Variants in ZNF496 observed in about 807,000 individuals in gnomAD.
ZNF496 encodes the protein zinc finger protein 496.
ZNF496 carries 11 observed loss-of-function variants against 58.9 expected under a neutral mutation model. That is an observed-to-expected ratio of 0.19 (90% CI 0.12 to 0.31). The LOEUF (loss-of-function observed/expected upper bound fraction) is 0.31, where lower values mean the gene tolerates loss of function less well. ZNF496 is among the 10% of genes least tolerant of loss of function. The pLI is 1.00. For missense variants in ZNF496, 660 were observed against 783.0 expected (o/e 0.84, Z 1.88); for synonymous variants, 338 against 318.2 (o/e 1.06, Z -0.66).
In ZNF496 at chr1:247,326,201, T is replaced by C. The variant is rs79915573; in HGVS notation, c.574+2482A>G. On this transcript the variant is annotated intron_variant, in intron 5 of 9. Transcript: ENST00000682384. ...CCACCCTACTTTTGGCCCCGATAAA[T>C]GAATACATGGACCCTTTCAAGAATC... Among the ~76,000 whole-genome samples the C allele has an allele frequency of 1.9e-3, 292 of 151,498 alleles. 1 individual carries two copies. The highest frequency in any genetic ancestry group is 6.6e-3 in the African/African-American group (274 of 41,240).
At position 247,327,779 on chromosome 1, in the gene ZNF496, T is replaced by C. The variant is rs202167034; in HGVS notation, c.574+904A>G. 2.4e-3 allele frequency among the ~76,000 whole-genome samples: 172 copies of C among 72,202 alleles called. 2 individuals are homozygous for C. The highest frequency in any genetic ancestry group is 7.3e-3 in the East Asian group (11 of 1,506). 47.4% of individuals were successfully genotyped at this position (72,202 alleles called of 152,430 possible). On this transcript the variant is annotated intron_variant, in intron 5 of 9. Coordinates refer to ENST00000682384, the MANE Select transcript of ZNF496 (RefSeq NM_032752.3). ...TCTTTCCATTGTACCTATAGAGCAC[T>C]ATGGCAAGTCCACCCAGAGTCATAA...
In ZNF496 at chr1:247,323,199, C is replaced by G. The variant is rs1351684433; in HGVS notation, c.606G>C (p.Glu202Asp). Residue 202 changes from glutamate to aspartate, a missense_variant, in exon 6 of 10, where the codon GAG (glutamate) becomes GAC (aspartate). By Grantham distance (45) the Glu-to-Asp change is conservative (BLOSUM62 2). Coordinates refer to ENST00000682384, the MANE Select transcript of ZNF496 (RefSeq NM_032752.3). ...VLQDAFLLQE[E>D]NVRDTQQVTT... Reference sequence around the variant, plus strand: ...TCACCTGCTGTGTGTCCCGCACATTCTCTTCCTGAAGAAGGAAAGCATCTT... The same window carrying G: ...TCACCTGCTGTGTGTCCCGCACATTGTCTTCCTGAAGAAGGAAAGCATCTT... 2 of 1,614,114 alleles carry G rather than the reference C, an allele frequency of 1.2e-6. No individual in the cohort carries two copies. Among genetic ancestry groups the G allele is most frequent in the South Asian group, 1.1e-5 (1 of 91,084 alleles).
chr1:247,309,731 T>C lies in ZNF496; in HGVS notation c.860A>G (p.Gln287Arg). Residue 287 changes from glutamine (Q) to arginine (R), a missense_variant, in exon 8 of 10, where the codon CAG becomes CGG. Gln to Arg is a conservative substitution (Grantham distance 43). Transcript: ENST00000682384. The surrounding 1 kb of genome is among the most constrained non-coding windows in gnomAD (Gnocchi z 4.3). ...GGAGACCTGGGGCACTTCTTTGCCC[T>C]GGAGATCCTGCAACTCTGGAACGCG... is the stretch of plus-strand genomic sequence containing the variant. ...EPRVPELQDL[Q>R]GKEVPQVSYL... The C allele has an allele frequency of 6.2e-7, 1 of 1,614,178 alleles. No homozygotes were observed.
At chr1:247,330,923 C>T (rs1298702982) in intron 2 of ZNF496, among the ~76,000 whole-genome samples, 1 of 152,284 alleles carries the variant, frequency 6.6e-6, no homozygotes, top group Non-Finnish European at 1.5e-5. Context: ...AAAGTAACAA[C>T]ATACACAGAA....
At chr1:247,326,145 C>CAT (rs71568611) in intron 5 of ZNF496, among the ~76,000 whole-genome samples, 10,177 of 146,392 alleles carry the variant, frequency 0.07, 398 homozygotes, top group African/African-American at 0.087. Context: ...TATATACACA[C>CAT]ATATATATAT....
chr1:247,301,464 C>T (rs1659235117), intron 9 of ZNF496, among the ~76,000 whole-genome samples, 188 bp from the exon 10 acceptor site: 1 of 152,204 alleles, frequency 6.6e-6, no homozygotes, highest in South Asian at 2.1e-4. Flanking sequence ...AAATCTTCAG[C>T]ATGGGCCCCG....
intron 2 of ZNF496, 74 bp downstream of exon 2, chr1:247,331,358 G>C (rs1055753962): frequency 6.6e-6 from 1 of 152,352 alleles, no homozygotes; most frequent in East Asian, 1.9e-4. Flanking sequence ...GCCAGGGAAG[G>C]GGGAGCCCGC....
chr1:247,300,843 G>A lies in ZNF496; in HGVS notation c.1440C>T (p.Ser480=), dbSNP rs1325633396. The change falls in exon 10 of 10, where the codon TCC becomes TCT. Residue 480 remains serine (S), a synonymous_variant. Transcript: ENST00000682384. The surrounding 1 kb of genome is among the most constrained non-coding windows in gnomAD (Gnocchi z 5.7). ...KSFRLNSHLL[S]HRRIHLQPDR... ...CCGGCTGCAGGTGTATCCGCCGGTG[G>A]GAGAGCAGGTGGGAGTTCAGGCGGA... The A allele has an allele frequency of 1.9e-6, 3 of 1,610,474 alleles. No individual in the cohort carries two copies. Among genetic ancestry groups the A allele is most frequent in the Non-Finnish European group, 2.5e-6 (3 of 1,177,790 alleles).
chr1:247,319,119 C>T (rs1034452753), intron 6 of ZNF496, among the ~76,000 whole-genome samples: 8 of 152,254 alleles, frequency 5.3e-5, no homozygotes, highest in African/African-American at 1.7e-4. Flanking sequence ...GTAGCTGGCA[C>T]TATAGGAGCA....
intron 6 of ZNF496, chr1:247,310,693 T>C: frequency 4.0e-6 from 2 of 505,088 alleles, no homozygotes; most frequent in South Asian, 2.5e-5. Flanking sequence ...CCTTACATGA[T>C]GGAGAGGGCA....
rs1659123698 is a variant in ZNF496 at position 247,297,645 on chromosome 1, T to C, written c.*2874A>G. Reference sequence around the variant, plus strand: ...GGCCAAAAGGGAGACAAAGATCTCCTGGGTGCAGCCTCCTCCACCACTGTG... The same window carrying C: ...GGCCAAAAGGGAGACAAAGATCTCCCGGGTGCAGCCTCCTCCACCACTGTG... On this transcript the variant is annotated 3_prime_UTR_variant, in exon 10 of 10. Coordinates refer to ENST00000682384, the MANE Select transcript of ZNF496 (RefSeq NM_032752.3). The C allele has an allele frequency of 6.6e-6, 1 of 152,274 alleles. No homozygotes were observed. The highest frequency in any genetic ancestry group is 2.4e-5 in the African/African-American group (1 of 41,438). 9.4% of individuals were successfully genotyped at this position (152,274 alleles called of 1,614,324 possible). A position where few individuals can be genotyped will look rare whatever the true frequency, so the allele number is the denominator to read the frequency against.
intron 7 of ZNF496, 47 bp downstream of exon 7, chr1:247,310,277 C>T: frequency 1.2e-6 from 2 of 1,612,302 alleles, no homozygotes; most frequent in African/African-American, 2.7e-5. Flanking sequence ...GAGAACTCCC[C>T]TGCCCAGTTC....
intron 5 of ZNF496, among the ~76,000 whole-genome samples, chr1:247,323,687 C>T (rs1290914068): frequency 6.6e-6 from 1 of 150,666 alleles, no homozygotes; most frequent in Non-Finnish European, 1.5e-5. Flanking sequence ...ATTTTGGGGA[C>T]TGAGGTGGGA....
rs1316503296 is a variant in ZNF496 at position 247,300,550 on chromosome 1, C to A, written c.1733G>T (p.Arg578Leu). 6.2e-7 allele frequency: 1 copy of A among 1,611,534 alleles called. No individual in the cohort carries two copies. The highest frequency in any genetic ancestry group is 1.1e-5 in the South Asian group (1 of 90,904). ...LLRHERLHMK[R>L]RSKQALNSY ...GGAGTTCAGAGCCTGCTTGGAACGG[C>A]GCTTCATGTGCAGGCGCTCGTGGCG... Residue 578 changes from arginine to leucine, a missense_variant, in exon 10 of 10, where the codon CGC (arginine) becomes CTC (leucine). Transcript: ENST00000682384. This position sits in a 1 kb window ranked among gnomAD's most constrained non-coding sequence, Gnocchi z 5.7.
In ZNF496 at chr1:247,329,462, C is replaced by T. The variant is rs770869852; in HGVS notation, c.117G>A (p.Glu39=). The change falls in exon 4 of 10, where the codon GAG becomes GAA. Residue 39 remains glutamate, a synonymous_variant. Transcript: ENST00000682384. The surrounding 1 kb of genome is among the most constrained non-coding windows in gnomAD (Gnocchi z 5.5). The part of the protein sequence containing the change: ...PSPQGELPSP[E]SSRRLFRRFR... ...AACGGCGGAAGAGACGCCGAGAGGA[C>T]TCGGGGCTGGGAAGCTCCCCCTGGG... The T allele has an allele frequency of 4.3e-6, 7 of 1,611,826 alleles. No homozygotes were observed. In the Admixed American group the frequency reaches 1.0e-4, roughly 23 times the overall value.
chr1:247,308,086 G>A lies in ZNF496; in HGVS notation c.1006+389C>T. Reference sequence around the variant, plus strand: ...CAGCACTACAGCAGCACCCTGCTTTGACACACCCTCCCCGGCCCCTGGGAA... The same window carrying A: ...CAGCACTACAGCAGCACCCTGCTTTAACACACCCTCCCCGGCCCCTGGGAA... On this transcript the variant is annotated intron_variant, in intron 9 of 9. Coordinates refer to ENST00000682384, the MANE Select transcript of ZNF496 (RefSeq NM_032752.3). This position sits in a 1 kb window ranked among gnomAD's most constrained non-coding sequence, Gnocchi z 4.5. The A allele has an allele frequency of 1.1e-6, 1 of 916,504 alleles. No homozygotes were observed. Among genetic ancestry groups the A allele is most frequent in the Non-Finnish European group, 1.3e-6 (1 of 767,082 alleles). 56.8% of individuals were successfully genotyped at this position (916,504 alleles called of 1,614,324 possible). A position where few individuals can be genotyped will look rare whatever the true frequency, so the allele number is the denominator to read the frequency against.
chr1:247,316,078 C>T (rs1396630969), intron 6 of ZNF496, among the ~76,000 whole-genome samples: 1 of 151,676 alleles, frequency 6.6e-6, no homozygotes, highest in East Asian at 1.9e-4. Flanking sequence ...TGGTAATTGC[C>T]CCAGTGACAA....
intron 9 of ZNF496, among the ~76,000 whole-genome samples, chr1:247,306,889 TAC>T (rs1417917201): frequency 1.3e-5 from 2 of 152,078 alleles, no homozygotes; most frequent in African/African-American, 2.4e-5. Flanking sequence ...CCAGCTGCAA[TAC>T]AGAGACATCA....
In ZNF496 at chr1:247,308,867, C is replaced by T; in HGVS notation, c.893-279G>A. On this transcript the variant is annotated intron_variant, in intron 8 of 9. Coordinates refer to ENST00000682384, the MANE Select transcript of ZNF496 (RefSeq NM_032752.3). The surrounding 1 kb of genome is among the most constrained non-coding windows in gnomAD (Gnocchi z 4.5). ...CTATGGCCAGAGACAAGCACTTCCCCCAGCCCCATATTTATTCCCACTTTC... is the reference window on the plus strand; with the variant it reads ...CTATGGCCAGAGACAAGCACTTCCCTCAGCCCCATATTTATTCCCACTTTC... 2.5e-6 allele frequency: 1 copy of T among 404,402 alleles called. No individual in the cohort carries two copies. The highest frequency in any genetic ancestry group is 2.2e-5 in the South Asian group (1 of 45,160). 25.1% of individuals were successfully genotyped at this position (404,402 alleles called of 1,614,324 possible). A position where few individuals can be genotyped will look rare whatever the true frequency, so the allele number is the denominator to read the frequency against.
Sources: gnomAD v4.1 joint callset for allele counts (sites outside exome capture counted in the v4.1 genomes callset) on GRCh38, gnomAD v4.1.1 for gene constraint, Gnocchi (gnomAD v3.1) non-coding constraint, MANE v1.5 for transcripts, NCBI Gene and HGNC (gene_info 2026-07-23, HGNC 2026-07-21) for gene names.